Variants in MUC6 observed in about 807,000 individuals in gnomAD.
MUC6 encodes mucin 6, oligomeric mucus/gel-forming (gene/pseudogene).
A neutral mutation model predicts 201.5 loss-of-function variants in MUC6; 188 were observed. The ratio of observed to expected loss-of-function variants is 0.93; its 90% CI spans 0.83 to 1.05. The LOEUF (loss-of-function observed/expected upper bound fraction) is 1.05, where lower values mean the gene tolerates loss of function less well. Ranked by LOEUF, MUC6 falls within the 50% of genes least tolerant of loss-of-function variation. The pLI, the probability that MUC6 is intolerant of heterozygous loss-of-function variation, is 0.00. For synonymous variants in MUC6, 1,228 were observed against 1,389.4 expected (o/e 0.88, Z 2.58); for missense variants, 2,706 against 3,256.9 (o/e 0.83, Z 4.12).
Position 1,018,337 on chromosome 11 carries a change from T to C in MUC6, c.4464A>G (p.Thr1488=). The change falls in exon 31 of 33, where the codon ACA becomes ACG. Residue 1488 remains threonine, a synonymous_variant. Transcript: ENST00000421673. ...GGGTGGACCCTGTGGCCTTGAGCGTTGTTGGTGGAGGAATGGTACCTGTTG... is the reference window on the plus strand; with the variant it reads ...GGGTGGACCCTGTGGCCTTGAGCGTCGTTGGTGGAGGAATGGTACCTGTTG... ...SAPTGTIPPP[T]TLKATGSTHT... The C allele has an allele frequency of 6.2e-7, 1 of 1,613,878 alleles. No homozygotes were observed. The highest frequency in any genetic ancestry group is 1.3e-5 in the African/African-American group (1 of 75,050).
In MUC6 at chr11:1,018,469, G is replaced by A. The variant is rs373568151; in HGVS notation, c.4332C>T (p.Pro1444=). 93 of 1,613,936 alleles carry A rather than the reference G, an allele frequency of 5.8e-5. No individual in the cohort carries two copies. Among genetic ancestry groups the A allele is most frequent in the South Asian group, 9.9e-5 (9 of 91,096 alleles). The change falls in exon 31 of 33, where the codon CCC becomes CCT. Residue 1444 remains proline, a synonymous_variant. Coordinates refer to ENST00000421673, the MANE Select transcript of MUC6 (RefSeq NM_005961.3). ...PTPSHPETTL[P]THVPPFSTSL... The stretch of plus-strand genomic sequence containing the variant: ...AGGTGGAGAAAGGTGGAACGTGAGT[G>A]GGAAGTGTGGTCTCAGGGTGTGATG...
chr11:1,013,501 C>A lies in MUC6; in HGVS notation c.7275G>T (p.Gln2425His). 5 of 1,583,966 alleles carry A rather than the reference C, an allele frequency of 3.2e-6. No homozygotes were observed. Among genetic ancestry groups the A allele is most frequent in the Non-Finnish European group, 4.3e-6 (5 of 1,166,686 alleles). The part of the protein sequence containing the change: ...TPGRRLVLTL[Q>H]VFSHCVCSSV... ...AGCTGCACACGCAGTGGCTGAACAC[C>A]TGCAGGGTGAGTACGAGCCGCCGGC... Residue 2425 changes from glutamine to histidine, a missense_variant, in exon 33 of 33, where the codon CAG (glutamine) becomes CAT (histidine). Around this residue, in one of 10 missense-constraint regions of MUC6, gnomAD observed 586 missense variants for 488.0 expected, o/e 1.20. Coordinates refer to ENST00000421673, the MANE Select transcript of MUC6 (RefSeq NM_005961.3).
chr11:1,026,063 G>C lies in MUC6; in HGVS notation c.2625C>G (p.His875Gln), dbSNP rs761090471. 1 of 1,595,830 alleles carries C rather than the reference G, an allele frequency of 6.3e-7. No homozygotes were observed. Among genetic ancestry groups the C allele is most frequent in the Non-Finnish European group, 8.5e-7 (1 of 1,171,758 alleles). Reference protein sequence around the residue: ...PSTCTLYGEGHVITFDGQRFV... With the variant: ...PSTCTLYGEGQVITFDGQRFV... ...AGCGCTGGCCGTCGAAGGTGATGAC[G>C]TGGCCCTCCCCGTAGAGGGTGCAGG... The change falls in exon 21 of 33, where the codon CAC becomes CAG. Residue 875 changes from histidine to glutamine, a missense_variant. Coordinates refer to ENST00000421673, the MANE Select transcript of MUC6 (RefSeq NM_005961.3).
intron 1 of MUC6, among the ~76,000 whole-genome samples, chr11:1,034,815 C>T (rs897720713): frequency 6.6e-6 from 1 of 152,182 alleles, no homozygotes; most frequent in Non-Finnish European, 1.5e-5. Context: ...CGGGTGGGTG[C>T]CTCATTGCTG....
At chr11:1,022,107 C>T (rs1856823891) in intron 26 of MUC6, among the ~76,000 whole-genome samples, 1 of 148,540 alleles carries the variant, frequency 6.7e-6, no homozygotes, top group Admixed American at 6.6e-5. Flanking sequence ...CCTCTGCCCT[C>T]TGCAGCCCCG....
At position 1,016,049 on chromosome 11, in the gene MUC6, G is replaced by A. The variant is rs199716176; in HGVS notation, c.6752C>T (p.Thr2251Met). ...LASSTIAFPS[T>M]PRTTASTHTA... is the part of the protein sequence containing the mutation. ...GTGGGTGCTGGCCGTGGTCCTGGGC[G>A]TGGACGGAAATGCAATGGTGCTGGA... The change falls in exon 31 of 33, where the codon ACG becomes ATG. Residue 2251 changes from threonine to methionine, a missense_variant. Thr to Met is a moderately conservative substitution (Grantham distance 81). Around this residue, in one of 10 missense-constraint regions of MUC6, gnomAD observed 586 missense variants for 488.0 expected, o/e 1.20. Transcript: ENST00000421673. 82 of 1,612,050 alleles carry A rather than the reference G, an allele frequency of 5.1e-5. No individual in the cohort carries two copies. In the Admixed American group the frequency reaches 9.5e-4, roughly 19 times the overall value.
chr11:1,025,196 C>T lies in MUC6; in HGVS notation c.2971G>A (p.Ala991Thr), dbSNP rs201406450. ...GCGTGCGGTACCTGGGAGGCACGGG[C>T]GATCCTGATGAGGATGGTCATGTGC... ...NRHMTILIRIARASQDPLCGL... is the reference protein window; with the variant it reads ...NRHMTILIRITRASQDPLCGL... The change falls in exon 23 of 33, where the codon GCC becomes ACC. Residue 991 changes from alanine (A) to threonine (T), a missense_variant. Ala to Thr is a moderately conservative substitution (Grantham distance 58). Around this residue, in one of 10 missense-constraint regions of MUC6, gnomAD observed 1,850 missense variants for 1,958.3 expected, o/e 0.94. Coordinates refer to ENST00000421673, the MANE Select transcript of MUC6 (RefSeq NM_005961.3). 6.6e-5 allele frequency: 107 copies of T among 1,611,930 alleles called. No individual in the cohort carries two copies. In the African/African-American group the frequency reaches 8.9e-4, roughly 13 times the overall value.
At chr11:1,021,657 G>T (rs554939580) in intron 26 of MUC6, among the ~76,000 whole-genome samples, 14 of 151,920 alleles carry the variant, frequency 9.2e-5, no homozygotes, top group Admixed American at 5.9e-4. Context: ...AGTTTCACCC[G>T]CGCACCTTGC....
chr11:1,026,492 G>A lies in MUC6; in HGVS notation c.2395-14C>T. On this transcript the variant is annotated splice_polypyrimidine_tract_variant and intron_variant, in intron 19 of 32. Transcript: ENST00000421673. ...CTTGGTGGGCACCTGGAGGGAGGCA[G>A]GTCAGCAGCTCCTGGGAGGGTGGCC... 6.4e-7 allele frequency: 1 copy of A among 1,569,466 alleles called. No individual in the cohort carries two copies. The highest frequency in any genetic ancestry group is 8.6e-7 in the Non-Finnish European group (1 of 1,159,006).
chr11:1,020,718 C>T lies in MUC6; in HGVS notation c.3606G>A (p.Pro1202=), dbSNP rs1366753802. 13 of 1,613,104 alleles carry T rather than the reference C, an allele frequency of 8.1e-6. No homozygotes were observed. The African/African-American group carries it at 1.1e-4, about 13-fold the overall frequency. Residue 1202 remains proline, a synonymous_variant, in exon 28 of 33, where the codon CCG becomes CCA. Transcript: ENST00000421673. Reference sequence around the variant, plus strand: ...GCAGCTGCGGCGTGGTGGGTGGCTGCGGCGTGGTGGGCGGCACTGCAAGAA... The same window carrying T: ...GCAGCTGCGGCGTGGTGGGTGGCTGTGGCGTGGTGGGCGGCACTGCAAGAA... ...VCVPCMPPTT[P]QPPTTPQLPT...
At position 1,027,317 on chromosome 11, in the gene MUC6, A is replaced by G. The variant is rs186678151; in HGVS notation, c.2182T>C (p.Tyr728His). ...KAQCPCILEGYKFILAEQSTV... is the reference protein window; with the variant it reads ...KAQCPCILEGHKFILAEQSTV... ...GACTGCTCGGCCAGGATGAACTTGT[A>G]ACCCTCCAGTATGCACGGGCACTGG... Residue 728 changes from tyrosine to histidine, a missense_variant, in exon 17 of 33, where the codon TAC becomes CAC. Physicochemically the swap from Tyr to His is moderately conservative, Grantham distance 83 (BLOSUM62 2). This residue lies in a region of MUC6 where 1,850 missense variants were observed against 1,958.3 expected (regional missense o/e 0.94). Transcript: ENST00000421673. 1 of 1,612,918 alleles carries G rather than the reference A, an allele frequency of 6.2e-7. No individual in the cohort carries two copies. Among genetic ancestry groups the G allele is most frequent in the African/African-American group, 1.3e-5 (1 of 75,034 alleles).
chr11:1,031,936 G>T lies in MUC6; in HGVS notation c.233C>A (p.Ala78Asp), dbSNP rs1317194565. 1 of 1,613,388 alleles carries T rather than the reference G, an allele frequency of 6.2e-7. No homozygotes were observed. The highest frequency in any genetic ancestry group is 8.5e-7 in the Non-Finnish European group (1 of 1,179,902). Residue 78 changes from alanine (A) to aspartate (D), a missense_variant, in exon 3 of 33, where the codon GCC (alanine) becomes GAC (aspartate). Physicochemically the swap from Ala to Asp is moderately radical, Grantham distance 126. Transcript: ENST00000421673. Reference protein sequence around the residue: ...NYIFAATCKDAFPTFSVQLRR... With the variant: ...NYIFAATCKDDFPTFSVQLRR... ...CAGCTGGACACTGAAGGTGGGGAAG[G>T]CGTCCTTGCAGGTGGCCGCGAAGAT...
rs1178530944 is a variant in MUC6 at position 1,021,241 on chromosome 11, T to C, written c.3563A>G (p.His1188Arg). 1 of 1,591,212 alleles carries C rather than the reference T, an allele frequency of 6.3e-7. No homozygotes were observed. Among genetic ancestry groups the C allele is most frequent in the Non-Finnish European group, 8.6e-7 (1 of 1,169,430 alleles). The change falls in exon 27 of 33, where the codon CAC becomes CGC. Residue 1188 changes from histidine (H) to arginine (R), a missense_variant. Coordinates refer to ENST00000421673, the MANE Select transcript of MUC6 (RefSeq NM_005961.3). ...GCAGGGCACGCACACCCCCTCCTCG[T>C]GGTCGAAGTACTCATCCTGGGAGCA... ...YNCSQDEYFD[H>R]EEGVCVPCMP...
chr11:1,030,086 A>G, intron 8 of MUC6, 127 bp downstream of exon 8: 1 of 1,194,182 alleles, frequency 8.4e-7, no homozygotes. Context: ...AAGAGGCGCC[A>G]GAGCTGGGAC....
intron 1 of MUC6, among the ~76,000 whole-genome samples, chr11:1,034,593 G>A (rs1857176563): frequency 6.6e-6 from 1 of 152,192 alleles, no homozygotes; most frequent in Non-Finnish European, 1.5e-5. Context: ...GGAGAGCTCT[G>A]AGCGGGAGGA....
rs780700244 is a variant in MUC6 at position 1,024,871 on chromosome 11, G to A, written c.3198C>T (p.Ser1066=). Residue 1066 remains serine (S), a synonymous_variant, in exon 24 of 33, where the codon AGC becomes AGT. Coordinates refer to ENST00000421673, the MANE Select transcript of MUC6 (RefSeq NM_005961.3). ...TGCTGTGGCAGGTGGCAAAGGTCTG[G>A]CTGTTGATGACGCTGCACTTGCGCT... ...WAERKCSVIN[S]QTFATCHSKV... is the part of the protein sequence containing the mutation. The A allele has an allele frequency of 6.2e-6, 10 of 1,611,932 alleles. No homozygotes were observed. In the South Asian group the frequency reaches 8.8e-5, roughly 14 times the overall value.
Position 1,016,175 on chromosome 11 carries a change from C to T in MUC6, c.6626G>A (p.Arg2209Lys), listed in dbSNP as rs1366900764. The T allele has an allele frequency of 1.2e-6, 2 of 1,613,144 alleles. No individual in the cohort carries two copies. Among genetic ancestry groups the T allele is most frequent in the Non-Finnish European group, 1.7e-6 (2 of 1,179,670 alleles). The part of the protein sequence containing the change: ...PSSPAASTTI[R>K]ATLPHTISSP... ...GGAGATAGTGTGGGGGAGAGTGGCC[C>T]TAATGGTAGTAGAGGCAGCTGGAGA... Residue 2209 changes from arginine (R) to lysine (K), a missense_variant, in exon 31 of 33, where the codon AGG becomes AAG. By Grantham distance (26) the Arg-to-Lys change is conservative (BLOSUM62 2). Around this residue, in one of 10 missense-constraint regions of MUC6, gnomAD observed 586 missense variants for 488.0 expected, o/e 1.20. Transcript: ENST00000421673.
At position 1,036,685 on chromosome 11, in the gene MUC6, G is replaced by C; in HGVS notation, c.-30C>G. The C allele has an allele frequency of 1.9e-6, 3 of 1,542,114 alleles. No homozygotes were observed. The highest frequency in any genetic ancestry group is 2.6e-6 in the Non-Finnish European group (3 of 1,145,294). On this transcript the variant is annotated 5_prime_UTR_variant, in exon 1 of 33. Transcript: ENST00000421673. ...CACAGTGGAGAGGAGCTCGCGCTGG[G>C]CCCGGCAGGCCTGCTGCTGCCATCC...
chr11:1,029,555 C>G lies in MUC6; in HGVS notation c.1076G>C (p.Cys359Ser). The change falls in exon 9 of 33, where the codon TGT (cysteine) becomes TCT (serine). Residue 359 changes from cysteine (C) to serine (S), a missense_variant. By Grantham distance (112) the Cys-to-Ser change is moderately radical. Around this residue, in one of 10 missense-constraint regions of MUC6, gnomAD observed 1,850 missense variants for 1,958.3 expected, o/e 0.94. Transcript: ENST00000421673. ...GGCATACATGGCGCCGTGGAGCACA[C>G]AGGGGCACTGGGTGACGGGCACGCA... ...HTCVPVTQCPCVLHGAMYAPG... is the reference protein window; with the variant it reads ...HTCVPVTQCPSVLHGAMYAPG... 1 of 1,611,892 alleles carries G rather than the reference C, an allele frequency of 6.2e-7. No individual in the cohort carries two copies. The highest frequency in any genetic ancestry group is 8.5e-7 in the Non-Finnish European group (1 of 1,179,318).
Sources: allele counts gnomAD v4.1 joint callset (sites outside exome capture counted in the v4.1 genomes callset), GRCh38; gene constraint gnomAD v4.1.1; regional missense constraint gnomAD v4.1.1; transcripts MANE v1.5; gene names NCBI Gene and HGNC (gene_info 2026-07-23, HGNC 2026-07-21).